Variants in INO80C observed in about 807,000 individuals in gnomAD.
The protein encoded by INO80C is INO80 complex subunit C.
INO80C carries 17 observed loss-of-function variants against 17.7 expected under a neutral mutation model. That is an observed-to-expected ratio of 0.96 (90% CI 0.66 to 1.44). INO80C has a LOEUF of 1.44. Ranked by LOEUF, INO80C falls within the 40% of genes most tolerant of loss-of-function variation. The pLI is 0.00. For synonymous variants in INO80C, 96 were observed against 95.8 expected (o/e 1.00, Z -0.01); for missense variants, 244 against 245.0 (o/e 1.00, Z 0.03).
chr18:35,492,752 A>T (rs2045944635), intron 1 of INO80C, among the ~76,000 whole-genome samples: 1 of 152,200 alleles, frequency 6.6e-6, no homozygotes, highest in Admixed American at 6.5e-5. Flanking sequence ...CCTCCTAAAG[A>T]TGCAACTACT....
In INO80C at chr18:35,497,706, C is replaced by A; in HGVS notation, c.156+13G>T. ...GCGACGCGCACGCGCAGCCTGGGAG[C>A]GCGACTGCGTACCTGCGCAAAGCTG... On this transcript the variant is annotated intron_variant, in intron 1 of 4. Coordinates refer to ENST00000334598, the MANE Select transcript of INO80C (RefSeq NM_194281.4). 1 of 1,608,236 alleles carries A rather than the reference C, an allele frequency of 6.2e-7. No homozygotes were observed.
intron 1 of INO80C, among the ~76,000 whole-genome samples, chr18:35,486,786 T>TAA (rs374753662): frequency 0.011 from 865 of 79,582 alleles, 20 homozygotes; most frequent in African/African-American, 0.044. Flanking sequence ...CCCAATTTCT[T>TAA]AAAAAAAAAA....
At chr18:35,475,355 A>C (rs2045722958) in intron 4 of INO80C, among the ~76,000 whole-genome samples, 1 of 152,246 alleles carries the variant, frequency 6.6e-6, no homozygotes, top group Admixed American at 6.5e-5. Context: ...AAAAATACTC[A>C]TTGAAAATAT....
intron 4 of INO80C, among the ~76,000 whole-genome samples, chr18:35,477,816 T>A (rs2045755103): frequency 6.6e-6 from 1 of 152,146 alleles, no homozygotes; most frequent in Non-Finnish European, 1.5e-5. Context: ...AGCAGAAAGG[T>A]GGGCTCCAGG....
intron 1 of INO80C, chr18:35,497,463 G>C: frequency 1.6e-6 from 2 of 1,276,742 alleles, no homozygotes; most frequent in South Asian, 3.8e-5. Flanking sequence ...GAGGGGAAGA[G>C]GCAGTCCTTC....
chr18:35,491,323 G>C (rs1156337115), intron 1 of INO80C, among the ~76,000 whole-genome samples: 1 of 152,314 alleles, frequency 6.6e-6, no homozygotes, highest in South Asian at 2.1e-4. Context: ...AGCCATTCCA[G>C]GCAGCAAGCT....
intron 4 of INO80C, among the ~76,000 whole-genome samples, chr18:35,469,095 C>T (rs1028523939): frequency 2.6e-5 from 4 of 152,154 alleles, no homozygotes; most frequent in Admixed American, 1.3e-4. Context: ...CAGGTCTGTG[C>T]TCCTCAAGGC....
intron 1 of INO80C, 100 bp downstream of exon 1, chr18:35,497,619 C>T: frequency 5.4e-6 from 8 of 1,472,714 alleles, no homozygotes; most frequent in Non-Finnish European, 6.3e-6. Context: ...GGAGACCGCA[C>T]GCGCAGCGCC....
rs577589700 is a variant in INO80C, at chr18:35,481,201, C to T, written c.157-638G>A. ...AGCTGGAGGGCCACAGGTCAGCTGG[C>T]AGCAGCCAGAGAGTGCCCTGACAAG... On this transcript the variant is annotated intron_variant, in intron 1 of 4. Coordinates refer to ENST00000334598, the MANE Select transcript of INO80C (RefSeq NM_194281.4). Among the ~76,000 whole-genome samples the T allele has an allele frequency of 5.9e-5, 9 of 152,342 alleles. No individual in the cohort carries two copies. In the South Asian group the frequency reaches 1.7e-3, roughly 28 times the overall value.
At chr18:35,483,715 A>G (rs1017642529) in intron 1 of INO80C, 1 of 152,190 alleles carries the variant, frequency 6.6e-6, no homozygotes, top group African/African-American at 2.4e-5. Context: ...CCTTACAAGG[A>G]AGCATCTCTG....
chr18:35,491,698 C>G (rs1352164521), intron 1 of INO80C, among the ~76,000 whole-genome samples: 1 of 152,080 alleles, frequency 6.6e-6, no homozygotes, highest in East Asian at 1.9e-4. Context: ...GACCTTTAGT[C>G]AAAGGGAAGA....
rs1567975747 is a variant in INO80C at position 35,468,548 on chromosome 18, C to T, written c.*63G>A. On this transcript the variant is annotated 3_prime_UTR_variant, in exon 5 of 5. Coordinates refer to ENST00000334598, the MANE Select transcript of INO80C (RefSeq NM_194281.4). ...GCAGAACGAGTTTGTTTCCGTGAAA[C>T]AAAATCATGAGTCCAGAGTCTGTTT... 15 of 1,601,798 alleles carry T rather than the reference C, an allele frequency of 9.4e-6. No individual in the cohort carries two copies. The highest frequency in any genetic ancestry group is 1.3e-5 in the Non-Finnish European group (15 of 1,171,728).
At chr18:35,486,525 C>G (rs1302573927) in intron 1 of INO80C, among the ~76,000 whole-genome samples, 1 of 152,066 alleles carries the variant, frequency 6.6e-6, no homozygotes, top group Non-Finnish European at 1.5e-5. Flanking sequence ...TGAATTATAT[C>G]TCAGTAAAGC....
intron 1 of INO80C, among the ~76,000 whole-genome samples, chr18:35,488,027 C>T (rs182261281): frequency 1.1e-4 from 16 of 152,354 alleles, no homozygotes; most frequent in Non-Finnish European, 2.1e-4. Context: ...CCAAGTCACA[C>T]TGATGCAAGA....
chr18:35,475,709 GACAAA>G (rs2045727709), intron 4 of INO80C, among the ~76,000 whole-genome samples: 1 of 151,510 alleles, frequency 6.6e-6, no homozygotes, highest in Admixed American at 6.6e-5. Flanking sequence ...AAGGCTCTTT[GACAAA>G]ACAAAAAAAG....
rs767425631 is a variant in INO80C, at chr18:35,497,806, C to A, written c.69G>T (p.Arg23Ser). 2 of 1,612,688 alleles carry A rather than the reference C, an allele frequency of 1.2e-6. No individual in the cohort carries two copies. The highest frequency in any genetic ancestry group is 2.7e-5 in the African/African-American group (2 of 74,772). The change falls in exon 1 of 5, where the codon AGG (arginine) becomes AGT (serine). Residue 23 changes from arginine to serine, a missense_variant. Arg to Ser is a moderately radical substitution (Grantham distance 110). Transcript: ENST00000334598. ...TPGIVRNSKKRPASPSHNGSS... is the reference protein window; with the variant it reads ...TPGIVRNSKKSPASPSHNGSS... ...TGCCATTGTGGGAAGGGCTGGCCGG[C>A]CTCTTCTTGCTGTTCCGGACTATTC...
At chr18:35,492,238 T>G (rs1304072754) in intron 1 of INO80C, among the ~76,000 whole-genome samples, 1 of 152,256 alleles carries the variant, frequency 6.6e-6, no homozygotes, top group African/African-American at 2.4e-5. Context: ...TAGGGTTACT[T>G]AAAACAGCAA....
intron 1 of INO80C, among the ~76,000 whole-genome samples, chr18:35,482,051 C>T (rs543055349): frequency 3.4e-4 from 52 of 152,248 alleles, no homozygotes; most frequent in Non-Finnish European, 6.0e-4. Flanking sequence ...TATCAGTCTT[C>T]AGCTATTACA....
In INO80C at chr18:35,468,748, T is replaced by C; in HGVS notation, c.448-6A>G. ...TGGGGGTCTGTGTAGTTGGCCTGGG[T>C]GAAAAGAGGCACAGGGAAGGGCAGA... On this transcript the variant is annotated splice_region_variant and splice_polypyrimidine_tract_variant and intron_variant, in intron 4 of 4. Transcript: ENST00000334598. 1 of 1,613,564 alleles carries C rather than the reference T, an allele frequency of 6.2e-7. No individual in the cohort carries two copies. The highest frequency in any genetic ancestry group is 8.5e-7 in the Non-Finnish European group (1 of 1,179,612).
Sources: gnomAD v4.1 joint callset for allele counts (sites outside exome capture counted in the v4.1 genomes callset) on GRCh38, gnomAD v4.1.1 for gene constraint, MANE v1.5 for transcripts, NCBI Gene and HGNC (gene_info 2026-07-23, HGNC 2026-07-21) for gene names.